The following RBMS1 variants were observed in gnomAD, a reference collection of about 807,000 sequenced individuals.
RBMS1 encodes RNA-binding motif, single-stranded-interacting protein 1.
In RBMS1, 17 loss-of-function variants were observed where a neutral mutation model predicts 62.3. The observed-to-expected ratio is 0.27, with a 90% CI of 0.19 to 0.41. RBMS1 has a LOEUF of 0.41. Among genes scored for constraint, RBMS1 ranks in the 10% least tolerant of loss-of-function variants. The pLI is 1.00. For missense variants in RBMS1, 334 were observed against 504.5 expected, an observed-to-expected ratio of 0.66 and a Z score of 3.24; for synonymous variants, 172 against 170.0, an observed-to-expected ratio of 1.01 and a Z score of -0.09.
At chr2:160,343,643 T>G (rs1321964679) in intron 2 of RBMS1, among the ~76,000 whole-genome samples, 1 of 152,056 alleles carries the variant, frequency 6.6e-6, no homozygotes, top group African/African-American at 2.4e-5. Context: ...CCAGAGAAAA[T>G]GGGAGTAAAG....
intron 1 of RBMS1, among the ~76,000 whole-genome samples, chr2:160,382,907 C>A (rs1694351962): frequency 6.6e-6 from 1 of 151,840 alleles, no homozygotes; most frequent in African/African-American, 2.4e-5. Context: ...ACATTCAGTT[C>A]ACATGTAGAG....
intron 1 of RBMS1, among the ~76,000 whole-genome samples, chr2:160,453,031 A>C (rs112578992): frequency 6.6e-6 from 1 of 152,238 alleles, no homozygotes; most frequent in Non-Finnish European, 1.5e-5. Context: ...TTAACAAAGC[A>C]CTAACCACAG....
intron 1 of RBMS1, among the ~76,000 whole-genome samples, chr2:160,441,575 A>C (rs989405879): frequency 1.3e-5 from 2 of 152,190 alleles, no homozygotes; most frequent in Non-Finnish European, 2.9e-5. Context: ...AATTTAAAAA[A>C]TTATCTGGGT....
At chr2:160,276,197 T>C (rs1461717024) in intron 12 of RBMS1, among the ~76,000 whole-genome samples, 4 of 152,238 alleles carry the variant, frequency 2.6e-5, no homozygotes, top group East Asian at 1.9e-4. Context: ...AGTTTTGCCA[T>C]AGGTCAGGTT....
chr2:160,484,037 CTA>C (rs1685482325), intron 1 of RBMS1, among the ~76,000 whole-genome samples: 1 of 142,736 alleles, frequency 7.0e-6, no homozygotes, highest in Non-Finnish European at 1.5e-5. Flanking sequence ...CGGTGTCTCA[CTA>C]TGTTGCCCAG....
chr2:160,351,272 C>T (rs10185274), intron 2 of RBMS1, among the ~76,000 whole-genome samples: 25,672 of 151,580 alleles, frequency 0.17, 2,821 homozygotes, highest in Admixed American at 0.35. Context: ...CACATATATA[C>T]ATATGTAACA....
chr2:160,384,033 T>C (rs180882884), intron 1 of RBMS1, among the ~76,000 whole-genome samples: 1,913 of 152,180 alleles, frequency 0.013, 30 homozygotes, highest in Middle Eastern at 0.061. Context: ...CCGTCTCTAC[T>C]AAAAATACAA....
At chr2:160,295,261 A>G (rs562325432) in intron 6 of RBMS1, among the ~76,000 whole-genome samples, 103 of 152,362 alleles carry the variant, frequency 6.8e-4, no homozygotes, top group African/African-American at 2.5e-3. Context: ...AGAGCTCTGC[A>G]TGAAAAATGC....
intron 1 of RBMS1, among the ~76,000 whole-genome samples, chr2:160,485,795 G>A (rs1210951777): frequency 4.0e-5 from 6 of 151,862 alleles, no homozygotes; most frequent in Non-Finnish European, 7.4e-5. Flanking sequence ...GCTGAGATTA[G>A]GCACCTTTTT....
At chr2:160,476,377 C>G (rs1406131369) in intron 1 of RBMS1, among the ~76,000 whole-genome samples, 2 of 151,976 alleles carry the variant, frequency 1.3e-5, no homozygotes, top group Non-Finnish European at 2.9e-5. Flanking sequence ...TTATCCTAAT[C>G]ACGTATGTAT....
At chr2:160,480,067 A>G (rs1685304038) in intron 1 of RBMS1, among the ~76,000 whole-genome samples, 1 of 152,196 alleles carries the variant, frequency 6.6e-6, no homozygotes, top group Non-Finnish European at 1.5e-5. Flanking sequence ...TTTATTGCTT[A>G]GAAGTTGGTA....
At chr2:160,340,488 G>A (rs72972877) in intron 2 of RBMS1, among the ~76,000 whole-genome samples, 3 of 152,094 alleles carry the variant, frequency 2.0e-5, no homozygotes, top group Non-Finnish European at 1.5e-5. Context: ...GGGTACATGG[G>A]GGAAAGGGTG....
chr2:160,312,432 T>C (rs1303440285), intron 4 of RBMS1, among the ~76,000 whole-genome samples: 1 of 152,160 alleles, frequency 6.6e-6, no homozygotes, highest in Admixed American at 6.6e-5. Flanking sequence ...TGTGCTAAAA[T>C]ATATATTAAG....
intron 1 of RBMS1, among the ~76,000 whole-genome samples, chr2:160,458,122 C>T (rs1684319746): frequency 6.6e-6 from 1 of 151,966 alleles, no homozygotes; most frequent in Admixed American, 6.6e-5. Flanking sequence ...TGCCAGCACA[C>T]CCAGCTAATA....
intron 2 of RBMS1, among the ~76,000 whole-genome samples, chr2:160,331,596 G>A (rs1311725381): frequency 6.6e-6 from 1 of 152,156 alleles, no homozygotes; most frequent in Non-Finnish European, 1.5e-5. Flanking sequence ...AAGGAGTGGA[G>A]GAATAAATAA....
rs796115120 is a variant in RBMS1, at chr2:160,450,580, C to CAAAAAAAAAAAAAAAA, written c.75+42708_75+42709insTTTTTTTTTTTTTTTT. On this transcript the variant is annotated intron_variant, in intron 1 of 13. Coordinates refer to ENST00000348849, the MANE Select transcript of RBMS1 (RefSeq NM_016836.4). ...ATAAAAAATGAAAAAAAAAAAAAAA[C>CAAAAAAAAAAAAAAAA]AAAAAACATTAACCCAGTTTGTAAT... Among the ~76,000 whole-genome samples the CAAAAAAAAAAAAAAAA allele has an allele frequency of 6.6e-5, 8 of 120,826 alleles. No homozygotes were observed. In the East Asian group the frequency reaches 6.9e-4, roughly 10 times the overall value. 79.3% of individuals were successfully genotyped at this position (120,826 alleles called of 152,430 possible).
At chr2:160,339,507 G>A (rs1691751955) in intron 2 of RBMS1, among the ~76,000 whole-genome samples, 2 of 152,050 alleles carry the variant, frequency 1.3e-5, no homozygotes. Context: ...TAAAAGTTCT[G>A]GGAAAAGCAT....
chr2:160,488,278 A>G (rs1436956209), intron 1 of RBMS1, among the ~76,000 whole-genome samples: 1 of 152,198 alleles, frequency 6.6e-6, no homozygotes. Flanking sequence ...TTTATTCATT[A>G]AAATAAAACA....
intron 1 of RBMS1, among the ~76,000 whole-genome samples, chr2:160,419,494 G>C (rs953780088): frequency 6.6e-6 from 1 of 152,064 alleles, no homozygotes; most frequent in Non-Finnish European, 1.5e-5. Context: ...CATATCATTC[G>C]TTTCATTCTA....
Sources: gnomAD v4.1 joint callset for allele counts (sites outside exome capture counted in the v4.1 genomes callset) on GRCh38, gnomAD v4.1.1 for gene constraint, MANE v1.5 for transcripts, NCBI Gene and HGNC (gene_info 2026-07-23, HGNC 2026-07-21) for gene names.